CTNNA3: variants seen among roughly 807,000 people sequenced by gnomAD.
CTNNA3 encodes the protein catenin alpha 3.
CTNNA3 carries 76 observed loss-of-function variants against 95.7 expected under a neutral mutation model. That is an observed-to-expected ratio of 0.79 (90% CI 0.66 to 0.96). The LOEUF is 0.96. CTNNA3 is among the 40% of genes least tolerant of loss of function. CTNNA3 has a pLI of 0.00. For missense variants in CTNNA3, 1,191 were observed against 1,089.8 expected (o/e 1.09, Z -1.31); for synonymous variants, 431 against 374.4 (o/e 1.15, Z -1.74).
chr10:66,383,485 G>A (rs1483823049), intron 11 of CTNNA3, among the ~76,000 whole-genome samples: 4 of 152,226 alleles, frequency 2.6e-5, no homozygotes, highest in African/African-American at 9.6e-5. Context: ...GCACCTGAAA[G>A]TGATGGGAAG....
rs116317135 is a variant in CTNNA3, at chr10:66,069,787, C to T, written c.1978-298G>A. Among the ~76,000 whole-genome samples the T allele has an allele frequency of 0.016, 2,497 of 152,170 alleles. 67 individuals carry two copies. Among genetic ancestry groups the T allele is most frequent in the African/African-American group, 0.057 (2,351 of 41,508 alleles). ...TGTGGGACTTTGCAAATTTCTAATA[C>T]GCTTCAAATTTTAAATTAACATCAA... On this transcript the variant is annotated intron_variant, in intron 14 of 17. Transcript: ENST00000433211.
intron 16 of CTNNA3, 130 bp downstream of exon 16, chr10:65,988,562 T>A (rs1019226365): frequency 1.6e-6 from 1 of 632,572 alleles, no homozygotes. Context: ...AATAGAGCTA[T>A]TAGAAATTCA....
intron 7 of CTNNA3, among the ~76,000 whole-genome samples, chr10:67,107,502 A>G (rs1174782047): frequency 1.3e-5 from 2 of 152,242 alleles, no homozygotes; most frequent in African/African-American, 4.8e-5. Flanking sequence ...AATAATTGTA[A>G]CATCCTCCAA....
intron 7 of CTNNA3, among the ~76,000 whole-genome samples, chr10:66,876,174 A>G (rs1340252332): frequency 1.3e-5 from 2 of 152,196 alleles, no homozygotes; most frequent in African/African-American, 4.8e-5. Context: ...AAAATGGGCC[A>G]TAGGGTAGCT....
At chr10:67,500,942 T>C (rs878961989) in intron 5 of CTNNA3, among the ~76,000 whole-genome samples, 1 of 152,200 alleles carries the variant, frequency 6.6e-6, no homozygotes, top group East Asian at 1.9e-4. Flanking sequence ...TGTCTTTTAA[T>C]TGGGGTATTT....
intron 1 of CTNNA3, among the ~76,000 whole-genome samples, chr10:67,667,672 T>C (rs541899447): frequency 2.4e-4 from 36 of 152,308 alleles, no homozygotes; most frequent in Middle Eastern, 3.4e-3. Context: ...GGGTTCTTCA[T>C]TGAAAGAAAC....
chr10:66,077,965 A>G (rs1177365855), intron 14 of CTNNA3, among the ~76,000 whole-genome samples: 1 of 151,838 alleles, frequency 6.6e-6, no homozygotes, highest in Non-Finnish European at 1.5e-5. Flanking sequence ...TCAACACTAA[A>G]GAGTTTCTAT....
At chr10:66,181,598 C>A (rs910051055) in intron 13 of CTNNA3, among the ~76,000 whole-genome samples, 5 of 152,098 alleles carry the variant, frequency 3.3e-5, no homozygotes, top group Non-Finnish European at 7.4e-5. Flanking sequence ...GTAAAAGCCC[C>A]ATTATTATTA....
intron 12 of CTNNA3, among the ~76,000 whole-genome samples, chr10:66,355,222 C>T (rs1233702921): frequency 6.6e-6 from 1 of 152,120 alleles, no homozygotes; most frequent in African/African-American, 2.4e-5. Flanking sequence ...TAAAGGTACT[C>T]TGTGGCCTCT....
intron 7 of CTNNA3, among the ~76,000 whole-genome samples, chr10:67,140,081 T>G (rs984970976): frequency 4.6e-5 from 7 of 152,164 alleles, no homozygotes; most frequent in African/African-American, 1.4e-4. Flanking sequence ...TGCAGTAGGA[T>G]TGATGGGATG....
chr10:67,153,617 C>T (rs1861179768), intron 7 of CTNNA3, among the ~76,000 whole-genome samples: 1 of 152,188 alleles, frequency 6.6e-6, no homozygotes, highest in African/African-American at 2.4e-5. Context: ...TTGTCAAATT[C>T]AAAACACCAG....
intron 11 of CTNNA3, among the ~76,000 whole-genome samples, chr10:66,487,669 T>C (rs1247326118): frequency 6.6e-6 from 1 of 152,190 alleles, no homozygotes; most frequent in East Asian, 1.9e-4. Flanking sequence ...CTTTAAATCC[T>C]GAATATATAC....
At chr10:67,360,617 G>A (rs752572528) in intron 5 of CTNNA3, among the ~76,000 whole-genome samples, 9 of 151,968 alleles carry the variant, frequency 5.9e-5, no homozygotes, top group East Asian at 3.9e-4. Flanking sequence ...CAGACTATAC[G>A]GGAAGCATAG....
chr10:66,690,379 G>T (rs867515227), intron 9 of CTNNA3, among the ~76,000 whole-genome samples: 23 of 151,466 alleles, frequency 1.5e-4, no homozygotes, highest in Middle Eastern at 3.4e-3. Flanking sequence ...CAATATGCAG[G>T]TTAGTTACAT....
intron 10 of CTNNA3, among the ~76,000 whole-genome samples, chr10:66,571,618 AC>A (rs1842869761): frequency 6.6e-6 from 1 of 152,212 alleles, no homozygotes; most frequent in African/African-American, 2.4e-5. Flanking sequence ...AAGGTAGTAT[AC>A]ATATGGCAGA....
At chr10:67,659,108 G>C (rs1840107219) in intron 1 of CTNNA3, among the ~76,000 whole-genome samples, 1 of 149,416 alleles carries the variant, frequency 6.7e-6, no homozygotes, top group South Asian at 2.1e-4. Context: ...CAGCAAAAAA[G>C]GTAAAAAAAA....
At chr10:66,821,410 TA>T (rs1285047053) in intron 7 of CTNNA3, among the ~76,000 whole-genome samples, 1 of 151,976 alleles carries the variant, frequency 6.6e-6, no homozygotes, top group Non-Finnish European at 1.5e-5. Context: ...GAGATCAATA[TA>T]AAACAAGCAG....
chr10:66,166,951 C>T (rs1476019601), intron 13 of CTNNA3, among the ~76,000 whole-genome samples: 1 of 151,946 alleles, frequency 6.6e-6, no homozygotes, highest in African/African-American at 2.4e-5. Context: ...TTTGGAGATA[C>T]AATGGGAGGT....
chr10:67,006,605 T>C (rs1852006592), intron 7 of CTNNA3, among the ~76,000 whole-genome samples: 1 of 152,098 alleles, frequency 6.6e-6, no homozygotes, highest in Admixed American at 6.5e-5. Context: ...GATTCAGAAT[T>C]ATGTATTATA....
Sources: allele counts gnomAD v4.1 joint callset (sites outside exome capture counted in the v4.1 genomes callset), GRCh38; gene constraint gnomAD v4.1.1; transcripts MANE v1.5; gene names NCBI Gene and HGNC (gene_info 2026-07-23, HGNC 2026-07-21).